FHOD3: variants seen among roughly 807,000 people sequenced by gnomAD.
FHOD3 encodes the protein formin homology 2 domain containing 3.
In FHOD3, 90 loss-of-function variants were observed where a neutral mutation model predicts 173.0. The ratio of observed to expected loss-of-function variants is 0.52; its 90% CI spans 0.44 to 0.62. FHOD3 has a LOEUF of 0.62. Ranked by LOEUF, FHOD3 falls within the 20% of genes least tolerant of loss-of-function variation. FHOD3 has a pLI of 0.00. For synonymous variants in FHOD3, 828 were observed against 823.0 expected (o/e 1.01, Z -0.10); for missense variants, 1,945 against 2,034.7 (o/e 0.96, Z 0.85).
chr18:36,701,816 G>A (rs2039605594), intron 17 of FHOD3, among the ~76,000 whole-genome samples: 1 of 152,100 alleles, frequency 6.6e-6, no homozygotes, highest in South Asian at 2.1e-4. Flanking sequence ...GATCTATAAG[G>A]TAGCACTGTC....
Position 36,742,607 on chromosome 18 carries a change from A to G in FHOD3, c.3760-130A>G, listed in dbSNP as rs936368298. 4.0e-6 allele frequency: 4 copies of G among 1,003,990 alleles called. No homozygotes were observed. The African/African-American group carries it at 6.5e-5, about 16-fold the overall frequency. 62.2% of individuals were successfully genotyped at this position (1,003,990 alleles called of 1,614,324 possible). On this transcript the variant is annotated intron_variant, in intron 21 of 28. Transcript: ENST00000590592. Reference sequence around the variant, plus strand: ...CCACACGTTTCCATACCTAGGAGCAATGCCCATCGCGGGGGATTGCCTTGT... The same window carrying G: ...CCACACGTTTCCATACCTAGGAGCAGTGCCCATCGCGGGGGATTGCCTTGT...
rs2031678377 is a variant in FHOD3, at chr18:36,603,526, CAG to C, written c.813+761_813+762del. On this transcript the variant is annotated intron_variant, in intron 8 of 28. Transcript: ENST00000590592. ...AATATATTATTATTATTATTTGAGG[CAG>C]AGTCTCACTCTGTTGCCCAGGCTGG... Among the ~76,000 whole-genome samples, 9 of 151,762 alleles carry C rather than the reference CAG, an allele frequency of 5.9e-5. No individual in the cohort carries two copies. In the South Asian group the frequency reaches 1.9e-3, roughly 32 times the overall value.
At position 36,423,023 on chromosome 18, in the gene FHOD3, G is replaced by A. The variant is rs191302841; in HGVS notation, c.337+50279G>A. On this transcript the variant is annotated intron_variant, in intron 3 of 28. Transcript: ENST00000590592. ...TCTCCTTCCTAGGTCATTCCCCTTC[G>A]TGGCTTCAGTTTCTCTGCCATTCCT... Among the ~76,000 whole-genome samples the A allele has an allele frequency of 4.6e-5, 7 of 152,054 alleles. No homozygotes were observed. The East Asian group carries it at 1.2e-3, about 25-fold the overall frequency.
At chr18:36,337,171 C>CAGA (rs1555674347) in intron 1 of FHOD3, among the ~76,000 whole-genome samples, 3 of 63,702 alleles carry the variant, frequency 4.7e-5, no homozygotes, top group Non-Finnish European at 1.0e-4. Flanking sequence ...GACTCTGTCT[C>CAGA]AAAAAAAAAA....
rs75323997 is a variant in FHOD3, at chr18:36,727,397, T to C, written c.3418-3249T>C. ...CAACCCACTCCCTCATCTTGGGCAG[T>C]ACTAACCAGATGACACTTGAGTGTT... On this transcript the variant is annotated intron_variant, in intron 19 of 28. Coordinates refer to ENST00000590592, the MANE Select transcript of FHOD3 (RefSeq NM_001281740.3). Among the ~76,000 whole-genome samples, 1,375 of 152,290 alleles carry C rather than the reference T, an allele frequency of 9.0e-3. 17 individuals are homozygous for C. The highest frequency in any genetic ancestry group is 0.031 in the African/African-American group (1,272 of 41,554).
chr18:36,727,325 G>A (rs1300031639), intron 19 of FHOD3, among the ~76,000 whole-genome samples: 1 of 152,112 alleles, frequency 6.6e-6, no homozygotes, highest in African/African-American at 2.4e-5. Context: ...TGTAAGTGCT[G>A]CTTTAGATTA....
intron 1 of FHOD3, among the ~76,000 whole-genome samples, chr18:36,299,660 G>A (rs2091905106): frequency 6.6e-6 from 1 of 152,148 alleles, no homozygotes; most frequent in African/African-American, 2.4e-5. Flanking sequence ...AAATCCTGAT[G>A]CTCCTCCACT....
intron 3 of FHOD3, among the ~76,000 whole-genome samples, chr18:36,435,458 G>T (rs1419948971): frequency 2.6e-5 from 4 of 152,118 alleles, no homozygotes; most frequent in African/African-American, 9.7e-5. Flanking sequence ...ATCAGCATTA[G>T]TACTTTGTGG....
chr18:36,480,221 C>T (rs1310763564), intron 3 of FHOD3, among the ~76,000 whole-genome samples: 1 of 152,200 alleles, frequency 6.6e-6, no homozygotes, highest in Non-Finnish European at 1.5e-5. Context: ...GCTCCAGGGG[C>T]CCCTACTGTG....
chr18:36,722,040 C>T (rs962740759), intron 19 of FHOD3, among the ~76,000 whole-genome samples: 33 of 152,026 alleles, frequency 2.2e-4, no homozygotes, highest in African/African-American at 8.0e-4. Flanking sequence ...TGAAAAGATG[C>T]GATTTTTAAT....
chr18:36,647,192 G>T (rs1276429258), intron 10 of FHOD3, among the ~76,000 whole-genome samples: 4 of 152,232 alleles, frequency 2.6e-5, no homozygotes, highest in African/African-American at 4.8e-5. Flanking sequence ...AGTGAGCCAA[G>T]ATCGTGCCAC....
rs760861061 is a variant in FHOD3, at chr18:36,355,562, C to G, written c.189C>G (p.Leu63=). Reference sequence around the variant, plus strand: ...AGCTGGATGACTGTACTCTGCAGCTCTCTCACAATGGCGCCTACCTGGATT... The same window carrying G: ...AGCTGGATGACTGTACTCTGCAGCTGTCTCACAATGGCGCCTACCTGGATT... ...PHKLDDCTLQ[L]SHNGAYLDLE... is the part of the protein sequence containing the mutation. Residue 63 remains leucine, a synonymous_variant, in exon 2 of 29, where the codon CTC becomes CTG. Transcript: ENST00000590592. 1.9e-6 allele frequency: 3 copies of G among 1,614,186 alleles called. No individual in the cohort carries two copies. Among genetic ancestry groups the G allele is most frequent in the African/African-American group, 2.7e-5 (2 of 75,052 alleles).
intron 1 of FHOD3, among the ~76,000 whole-genome samples, chr18:36,330,776 G>A (rs532063938): frequency 2.6e-5 from 4 of 152,328 alleles, no homozygotes; most frequent in African/African-American, 9.6e-5. Flanking sequence ...AACTTCTTGG[G>A]AAACCACATC....
At chr18:36,632,161 A>T (rs1278348091) in intron 10 of FHOD3, among the ~76,000 whole-genome samples, 4 of 152,222 alleles carry the variant, frequency 2.6e-5, no homozygotes, top group Non-Finnish European at 5.9e-5. Context: ...CTCTCCACAA[A>T]GGCTGTATGG....
In FHOD3 at chr18:36,577,621, C is replaced by T. The variant is rs192512990; in HGVS notation, c.606+1076C>T. Among the ~76,000 whole-genome samples, 387 of 152,272 alleles carry T rather than the reference C, an allele frequency of 2.5e-3. 1 individual carries two copies. The highest frequency in any genetic ancestry group is 3.7e-3 in the Non-Finnish European group (252 of 68,022). ...CGGCCCATACTAGGTGTTTTATAAG[C>T]GTGATCTCATTTAATTCTCATGAGG... On this transcript the variant is annotated intron_variant, in intron 6 of 28. Coordinates refer to ENST00000590592, the MANE Select transcript of FHOD3 (RefSeq NM_001281740.3).
chr18:36,699,198 T>G (rs1047944871), intron 17 of FHOD3, among the ~76,000 whole-genome samples: 3 of 152,238 alleles, frequency 2.0e-5, no homozygotes, highest in Non-Finnish European at 4.4e-5. Flanking sequence ...TATAATGGTT[T>G]TAAATCAACC....
At chr18:36,304,881 C>A (rs1025427992) in intron 1 of FHOD3, among the ~76,000 whole-genome samples, 3 of 152,184 alleles carry the variant, frequency 2.0e-5, no homozygotes, top group African/African-American at 4.8e-5. Context: ...TGTTGATGCC[C>A]ATGACATGCC....
chr18:36,361,813 C>T (rs967365504), intron 2 of FHOD3, among the ~76,000 whole-genome samples: 1 of 152,118 alleles, frequency 6.6e-6, no homozygotes, highest in Non-Finnish European at 1.5e-5. Context: ...TTAGAACCTT[C>T]CCTGCCACGC....
chr18:36,452,212 C>T (rs550972880), intron 3 of FHOD3, among the ~76,000 whole-genome samples: 4 of 152,216 alleles, frequency 2.6e-5, no homozygotes, highest in South Asian at 4.2e-4. Flanking sequence ...AAAAGCATCT[C>T]GGGAGCCTTT....
Sources: allele counts gnomAD v4.1 joint callset (sites outside exome capture counted in the v4.1 genomes callset), GRCh38; gene constraint gnomAD v4.1.1; transcripts MANE v1.5; gene names NCBI Gene and HGNC (gene_info 2026-07-23, HGNC 2026-07-21).